Variants in SPIRE1 observed in about 807,000 individuals in gnomAD.
The protein encoded by SPIRE1 is protein spire homolog 1.
SPIRE1 carries 40 observed loss-of-function variants against 94.1 expected under a neutral mutation model. The ratio of observed to expected loss-of-function variants is 0.43; its 90% confidence interval spans 0.33 to 0.55. SPIRE1 has a LOEUF of 0.55. SPIRE1 is among the 20% of genes least tolerant of loss of function. The pLI is 0.06. For synonymous variants in SPIRE1, 376 were observed against 371.7 expected (o/e 1.01, Z -0.13); for missense variants, 838 against 975.2 (o/e 0.86, Z 1.87).
intron 2 of SPIRE1, among the ~76,000 whole-genome samples, chr18:12,555,017 C>T (rs914697563): frequency 1.7e-4 from 26 of 152,252 alleles, no homozygotes; most frequent in Admixed American, 8.5e-4. Context: ...ATTGCCTAAC[C>T]GACCACCTAC....
rs558190175 is a variant in SPIRE1, at chr18:12,538,540, T to C, written c.604-2939A>G. 6.6e-5 allele frequency among the ~76,000 whole-genome samples: 10 copies of C among 152,328 alleles called. No homozygotes were observed. The South Asian group carries it at 1.4e-3, about 22-fold the overall frequency. ...CTGTAGCTGCCCTTGTCTAGTCTAATGGCTTTAAATGCCACCTATAGGCTG... is the reference window on the plus strand; with the variant it reads ...CTGTAGCTGCCCTTGTCTAGTCTAACGGCTTTAAATGCCACCTATAGGCTG... On this transcript the variant is annotated intron_variant, in intron 3 of 16. Coordinates refer to ENST00000409402, the MANE Select transcript of SPIRE1 (RefSeq NM_001128626.2).
At chr18:12,562,390 T>G (rs573607718) in intron 2 of SPIRE1, among the ~76,000 whole-genome samples, 19 of 152,278 alleles carry the variant, frequency 1.2e-4, no homozygotes, top group African/African-American at 4.6e-4. Context: ...GCTCAAGTGA[T>G]CCTCCCATCT....
At chr18:12,513,734 G>A (rs929126758) in intron 4 of SPIRE1, among the ~76,000 whole-genome samples, 2 of 152,134 alleles carry the variant, frequency 1.3e-5, no homozygotes, top group Non-Finnish European at 2.9e-5. Flanking sequence ...TGTCGGTCAG[G>A]CTGTTCTCAA....
chr18:12,462,347 T>TA (rs2031899762), intron 12 of SPIRE1, among the ~76,000 whole-genome samples: 3 of 152,250 alleles, frequency 2.0e-5, no homozygotes, highest in Admixed American at 2.0e-4. Context: ...TATTATTTTT[T>TA]ATTCATGAAT....
rs144211834 is a variant in SPIRE1, at chr18:12,577,532, G to A, written c.373-30628C>T. ...ATTCTAGAAAAAAAGGAGAAAATCT[G>A]CATGACACTAGTAGTGTTTGCAGAT... On this transcript the variant is annotated intron_variant, in intron 2 of 16. Coordinates refer to ENST00000409402, the MANE Select transcript of SPIRE1 (RefSeq NM_001128626.2). 2.6e-3 allele frequency among the ~76,000 whole-genome samples: 392 copies of A among 152,258 alleles called. 1 individual carries two copies. Among genetic ancestry groups the A allele is most frequent in the Non-Finnish European group, 4.2e-3 (284 of 68,030 alleles).
chr18:12,639,631 C>T, intron 1 of SPIRE1, among the ~76,000 whole-genome samples: 1 of 152,056 alleles, frequency 6.6e-6, no homozygotes, highest in East Asian at 1.9e-4. Context: ...ACACGGGAGA[C>T]TGAGGCAGAG....
chr18:12,483,288 ATAGTTTTC>A (rs2032910789), intron 9 of SPIRE1, among the ~76,000 whole-genome samples: 1 of 152,094 alleles, frequency 6.6e-6, no homozygotes, highest in African/African-American at 2.4e-5. Context: ...TTGATCACTT[ATAGTTTTC>A]TGTTTGAATG....
At chr18:12,516,346 A>T (rs1276954849) in intron 4 of SPIRE1, 1 of 152,090 alleles carries the variant, frequency 6.6e-6, no homozygotes, top group African/African-American at 2.4e-5. Context: ...TATGACTCCA[A>T]ATCTTCCTCT....
intron 2 of SPIRE1, among the ~76,000 whole-genome samples, chr18:12,625,677 T>G (rs1361551294): frequency 2.0e-5 from 3 of 152,234 alleles, no homozygotes; most frequent in African/African-American, 7.2e-5. Context: ...TGTGCATAAC[T>G]ACTACTTTCT....
chr18:12,576,194 C>T (rs777441318), intron 2 of SPIRE1, among the ~76,000 whole-genome samples: 5 of 151,218 alleles, frequency 3.3e-5, no homozygotes, highest in Non-Finnish European at 7.4e-5. Context: ...TATAGTGAGA[C>T]TCGTCTCAAA....
At chr18:12,525,269 T>C (rs1465447182) in intron 4 of SPIRE1, among the ~76,000 whole-genome samples, 3 of 90,142 alleles carry the variant, frequency 3.3e-5, no homozygotes, top group African/African-American at 1.5e-4. Flanking sequence ...AGAGTGAGAC[T>C]CCGTCTCAAA....
In SPIRE1 at chr18:12,511,629, A is replaced by G. The variant is rs201116957; in HGVS notation, c.807+825T>C. ...GGGGGTGGTTTTAATAAAACCAGAA[A>G]GCTTTTTAAAATGGGGAATAGATAT... On this transcript the variant is annotated intron_variant, in intron 5 of 16. Coordinates refer to ENST00000409402, the MANE Select transcript of SPIRE1 (RefSeq NM_001128626.2). Among the ~76,000 whole-genome samples the G allele has an allele frequency of 1.2e-4, 19 of 152,330 alleles. 1 individual carries two copies. The East Asian group carries it at 3.1e-3, about 25-fold the overall frequency.
intron 12 of SPIRE1, 41 bp from the exon 13 acceptor site, chr18:12,454,524 CCT>C (rs1339671733): frequency 4.4e-6 from 7 of 1,606,702 alleles, no homozygotes; most frequent in African/African-American, 4.1e-5. Context: ...ATTCCTACCC[CCT>C]GTTCTGGAAG....
chr18:12,464,997 A>C (rs746478728), intron 10 of SPIRE1, 39 bp from the exon 11 acceptor site: 1 of 1,563,450 alleles, frequency 6.4e-7, no homozygotes. Context: ...CTTCTTAGAC[A>C]TTTGTGCTCT....
chr18:12,506,413 C>A, intron 6 of SPIRE1, 64 bp downstream of exon 6: 1 of 1,451,812 alleles, frequency 6.9e-7, no homozygotes, highest in Non-Finnish European at 9.6e-7. Flanking sequence ...CCTGCCTCGA[C>A]CTCCCAAAGT....
At chr18:12,607,206 T>TA (rs894720889) in intron 2 of SPIRE1, among the ~76,000 whole-genome samples, 4 of 152,054 alleles carry the variant, frequency 2.6e-5, no homozygotes, top group Admixed American at 1.3e-4. Flanking sequence ...AGAAAGACTT[T>TA]AAAAAAAATA....
intron 3 of SPIRE1, among the ~76,000 whole-genome samples, chr18:12,537,676 T>A (rs1437098848): frequency 6.6e-6 from 1 of 152,150 alleles, no homozygotes; most frequent in African/African-American, 2.4e-5. Flanking sequence ...GCAGAATACA[T>A]GATTAACAAA....
chr18:12,490,969 A>G (rs2033212727), intron 8 of SPIRE1, among the ~76,000 whole-genome samples: 1 of 152,180 alleles, frequency 6.6e-6, no homozygotes. Context: ...ATCCAATTGG[A>G]AAGAAAGTAA....
chr18:12,565,842 T>C (rs1336317969), intron 2 of SPIRE1, among the ~76,000 whole-genome samples: 1 of 151,368 alleles, frequency 6.6e-6, no homozygotes, highest in Non-Finnish European at 1.5e-5. Context: ...GAGACCAGCC[T>C]GGCCAATATG....
Sources: allele counts gnomAD v4.1 joint callset (sites outside exome capture counted in the v4.1 genomes callset), GRCh38; gene constraint gnomAD v4.1.1; transcripts MANE v1.5; gene names NCBI Gene and HGNC (gene_info 2026-07-23, HGNC 2026-07-21).